Variants in PUDP observed in about 807,000 individuals in gnomAD.
The protein encoded by PUDP is pseudouridine-5'-phosphatase.
PUDP carries 8 observed loss-of-function variants against 9.4 expected under a neutral mutation model. That is an observed-to-expected ratio of 0.85 (90% CI 0.50 to 1.53). The LOEUF is 1.53. PUDP is among the 40% of genes most tolerant of loss of function. The pLI, the probability that PUDP is intolerant of heterozygous loss-of-function variation, is 0.00. For missense variants in PUDP, 188 were observed against 189.7 expected (o/e 0.99, Z 0.05); for synonymous variants, 99 against 80.7 (o/e 1.23, Z -1.22).
intron 3 of PUDP, among the ~76,000 whole-genome samples, chrX:6,788,385 G>A: frequency 8.9e-6 from 1 of 111,807 alleles, no homozygotes; most frequent in Non-Finnish European, 1.9e-5. Flanking sequence ...TTCCACTGAT[G>A]ATGACAGGAT....
intron 3 of PUDP, among the ~76,000 whole-genome samples, chrX:7,051,300 C>T (rs998503386): frequency 1.8e-5 from 2 of 111,580 alleles, no homozygotes; most frequent in African/African-American, 6.5e-5. Context: ...GAATGGAAAT[C>T]CAAATATCGT....
At chrX:6,713,659 C>T (rs139603258) in intron 1 of PUDP, among the ~76,000 whole-genome samples, 1 of 108,830 alleles carries the variant, frequency 9.2e-6, no homozygotes, top group Non-Finnish European at 1.9e-5. Context: ...TATGTATCTC[C>T]CAGGAGAGGC....
chrX:6,852,574 TCATTCTCAAACAATAATTGTGAAAAC>T (rs200892988), intron 3 of PUDP, among the ~76,000 whole-genome samples: 9,895 of 112,089 alleles, frequency 0.088, 568 homozygotes, highest in East Asian at 0.45. Flanking sequence ...GATTGCAAAT[TCATTCTCAAACAATAATTGTGAAAAC>T]CATTCATTAA....
intron 1 of PUDP, among the ~76,000 whole-genome samples, chrX:7,147,687 G>A (rs1932898464): frequency 8.9e-6 from 1 of 112,045 alleles, no homozygotes. Context: ...ACCGAAAAGA[G>A]AGCGCGGAGG....
intron 3 of PUDP, among the ~76,000 whole-genome samples, chrX:6,884,576 C>T (rs1007207178): frequency 8.9e-6 from 1 of 111,914 alleles, no homozygotes; most frequent in African/African-American, 3.2e-5. Flanking sequence ...GAAGGACAAT[C>T]GCCATGGAGA....
At chrX:6,931,540 T>G (rs1928190832) in intron 3 of PUDP, among the ~76,000 whole-genome samples, 1 of 111,826 alleles carries the variant, frequency 8.9e-6, no homozygotes, top group African/African-American at 3.3e-5. Flanking sequence ...TTTGTTCTAC[T>G]CCATAGGAGG....
chrX:7,057,768 T>A (rs1253021935), intron 3 of PUDP: 13 of 1,151,952 alleles, frequency 1.1e-5, no homozygotes, highest in African/African-American at 3.6e-5. Context: ...TGAGAAGGGA[T>A]CCCGGCAGCC....
At chrX:6,834,945 T>C (rs1047266999) in intron 3 of PUDP, among the ~76,000 whole-genome samples, 1 of 111,008 alleles carries the variant, frequency 9.0e-6, no homozygotes, top group African/African-American at 3.3e-5. Flanking sequence ...GGGAATTAAG[T>C]TTCCGACACA....
chrX:6,830,317 G>A (rs575025214), intron 3 of PUDP, among the ~76,000 whole-genome samples: 1 of 110,456 alleles, frequency 9.1e-6, no homozygotes, highest in African/African-American at 3.3e-5. Context: ...GTTTTCTGAA[G>A]TAAAATGATA....
At chrX:6,728,192 C>T (rs1333080959) in intron 3 of PUDP, among the ~76,000 whole-genome samples, 2 of 110,882 alleles carry the variant, frequency 1.8e-5, no homozygotes, top group Non-Finnish European at 3.8e-5. Context: ...GAGACTTATT[C>T]ACTACCACAA....
At chrX:6,808,291 G>A (rs778473032) in intron 3 of PUDP, among the ~76,000 whole-genome samples, 2 of 111,786 alleles carry the variant, frequency 1.8e-5, no homozygotes, top group Non-Finnish European at 3.8e-5. Flanking sequence ...TTGTATTTTT[G>A]CTCTCACATC....
intron 1 of PUDP, among the ~76,000 whole-genome samples, chrX:7,029,554 C>T (rs1341483084): frequency 8.9e-6 from 1 of 112,099 alleles, no homozygotes; most frequent in Non-Finnish European, 1.9e-5. Context: ...CTTATTAGTG[C>T]CAATTTCAAT....
intron 1 of PUDP, among the ~76,000 whole-genome samples, chrX:7,027,463 T>A (rs1367415140): frequency 9.4e-6 from 1 of 106,142 alleles, no homozygotes; most frequent in Non-Finnish European, 1.9e-5. Flanking sequence ...CATATATATG[T>A]GTGTGTGTGT....
rs190958970 is a variant in PUDP, at chrX:6,739,202, C to T, written c.*248-32736G>A. Among the ~76,000 whole-genome samples, 370 of 111,558 alleles carry T rather than the reference C, an allele frequency of 3.3e-3. 1 individual carries two copies. Among genetic ancestry groups the T allele is most frequent in the African/African-American group, 0.012 (354 of 30,705 alleles). On this transcript the variant is annotated intron_variant and NMD_transcript_variant, in intron 3 of 3. Coordinates refer to the PUDP transcript ENST00000655425. ...ACCAATGTCTGTTTCTTCAAGGTTT[C>T]GAAAATGGTTCACGGAAGGGCCTGC...
intron 3 of PUDP, among the ~76,000 whole-genome samples, chrX:6,857,670 G>A (rs1429276268): frequency 9.0e-6 from 1 of 111,505 alleles, no homozygotes; most frequent in Non-Finnish European, 1.9e-5. Context: ...CTGGCCTCAA[G>A]CAGTCCTCCC....
At chrX:7,042,235 T>C (rs999944254) in intron 1 of PUDP, among the ~76,000 whole-genome samples, 12 of 110,582 alleles carry the variant, frequency 1.1e-4, no homozygotes, top group African/African-American at 3.9e-4. Context: ...TGAAATGCAA[T>C]ATAAATCATG....
chrX:6,808,258 T>C (rs1477565319), intron 3 of PUDP, among the ~76,000 whole-genome samples: 1 of 112,125 alleles, frequency 8.9e-6, no homozygotes, highest in Non-Finnish European at 1.9e-5. Context: ...CTTTAGTCTT[T>C]CCTTGGAAAA....
At chrX:6,908,806 A>G (rs1479604400) in intron 3 of PUDP, among the ~76,000 whole-genome samples, 1 of 112,142 alleles carries the variant, frequency 8.9e-6, no homozygotes, top group African/African-American at 3.2e-5. Flanking sequence ...AAGAACTAAT[A>G]CAGACCTGTG....
chrX:6,932,973 G>A (rs769446875), intron 3 of PUDP, among the ~76,000 whole-genome samples: 25 of 109,708 alleles, frequency 2.3e-4, no homozygotes, highest in Non-Finnish European at 3.6e-4. Context: ...CGGGAAGCTC[G>A]AACTGGGTGG....
Sources: allele counts gnomAD v4.1 joint callset (sites outside exome capture counted in the v4.1 genomes callset), GRCh38; gene constraint gnomAD v4.1.1; transcripts MANE v1.5; gene names NCBI Gene and HGNC (gene_info 2026-07-23, HGNC 2026-07-21).